Variants in LRRC43 observed in about 807,000 individuals in gnomAD.
The protein encoded by LRRC43 is leucine-rich repeat-containing protein 43.
Under a neutral mutation model 64.3 loss-of-function variants are expected in LRRC43, and 62 were observed. That is an observed-to-expected ratio of 0.96 (90% CI 0.79 to 1.19). The LOEUF is 1.19. LRRC43 is among the 50% of genes most tolerant of loss of function. LRRC43 has a pLI of 0.00. For synonymous variants in LRRC43, 422 were observed against 382.3 expected (o/e 1.10, Z -1.21); for missense variants, 868 against 845.0 (o/e 1.03, Z -0.34).
chr12:122,172,717 C>T lies in LRRC43; in HGVS notation c.-406+4935C>T, dbSNP rs148866660. 1.1e-5 allele frequency: 18 copies of T among 1,612,530 alleles called. No homozygotes were observed. In the East Asian group the frequency reaches 1.3e-4, roughly 12 times the overall value. On this transcript the variant is annotated intron_variant, in intron 1 of 5. Transcript: ENST00000537729. Reference sequence around the variant, plus strand: ...CACGGCAGCGTGTAATTCTGGGACACGAGCACGCCCTTCTCTTCCTCCACC... The same window carrying T: ...CACGGCAGCGTGTAATTCTGGGACATGAGCACGCCCTTCTCTTCCTCCACC...
At chr12:122,195,589 G>T (rs1274336783) in intron 7 of LRRC43, among the ~76,000 whole-genome samples, 1 of 152,024 alleles carries the variant, frequency 6.6e-6, no homozygotes, top group Non-Finnish European at 1.5e-5. Context: ...GGCCTCCATT[G>T]TTTCTGATGA....
chr12:122,180,292 G>A (rs1292973970), upstream of LRRC43, among the ~76,000 whole-genome samples: 1 of 152,156 alleles, frequency 6.6e-6, no homozygotes, highest in Non-Finnish European at 1.5e-5. Context: ...GCCAAGGCAG[G>A]TGGATCACTT....
rs114532492 is a variant in LRRC43 at position 122,186,955 on chromosome 12, T to C, written c.522+655T>C. 5.7e-3 allele frequency among the ~76,000 whole-genome samples: 855 copies of C among 150,740 alleles called. 4 individuals carry two copies. The highest frequency in any genetic ancestry group is 0.018 in the African/African-American group (738 of 40,952). On this transcript the variant is annotated intron_variant, in intron 3 of 11. Transcript: ENST00000339777. ...CATTCAATAGAATGCTATTCACTCA[T>C]AGAAAGGAATGAAGTAGGCCTGAAT...
At chr12:122,198,860 T>C (rs1331847713) in intron 7 of LRRC43, among the ~76,000 whole-genome samples, 6 of 152,008 alleles carry the variant, frequency 3.9e-5, no homozygotes, top group Non-Finnish European at 8.8e-5. Flanking sequence ...TTTGAACTCC[T>C]GGCCTCAAGT....
chr12:122,184,564 C>T lies in LRRC43; in HGVS notation c.196C>T (p.Leu66Phe). The T allele has an allele frequency of 6.2e-7, 1 of 1,613,812 alleles. No homozygotes were observed. The highest frequency in any genetic ancestry group is 1.1e-5 in the South Asian group (1 of 91,040). The change falls in exon 2 of 12, where the codon CTT becomes TTT. Residue 66 changes from leucine (L) to phenylalanine (F), a missense_variant. Leu to Phe is a conservative substitution (Grantham distance 22). Coordinates refer to ENST00000339777, the MANE Select transcript of LRRC43 (RefSeq NM_001098519.2). This position sits in a 1 kb window ranked among gnomAD's most constrained non-coding sequence, Gnocchi z 4.0. Reference sequence around the variant, plus strand: ...TCAAACTTGGCGAACTTGGAGGGAGCTTGTCCCCAGAGAGGAGGATGTGGT... The same window carrying T: ...TCAAACTTGGCGAACTTGGAGGGAGTTTGTCCCCAGAGAGGAGGATGTGGT... ...LPQTWRTWRE[L>F]VPREEDVVSP...
chr12:122,174,198 AG>A (rs752039373), intron 1 of LRRC43: 3 of 1,614,054 alleles, frequency 1.9e-6, no homozygotes, highest in Non-Finnish European at 2.5e-6. Flanking sequence ...GGCCAGCTTC[AG>A]TGGGGGCTTC....
intron 4 of LRRC43, 154 bp downstream of exon 4, chr12:122,187,994 C>G (rs1953666718): frequency 2.7e-6 from 2 of 730,082 alleles, no homozygotes; most frequent in Non-Finnish European, 4.3e-6. Context: ...CTCTGAATCC[C>G]CCTTCAGTGG....
At chr12:122,186,836 T>C (rs1593146191) in intron 3 of LRRC43, among the ~76,000 whole-genome samples, 2 of 152,192 alleles carry the variant, frequency 1.3e-5, no homozygotes, top group South Asian at 2.1e-4. Flanking sequence ...GGAGAATTGC[T>C]TGAACCCAGG....
At chr12:122,191,115 C>G (rs1274031795) in intron 5 of LRRC43, among the ~76,000 whole-genome samples, 1 of 152,162 alleles carries the variant, frequency 6.6e-6, no homozygotes, top group African/African-American at 2.4e-5. Flanking sequence ...CTGTGACGTG[C>G]TAGATAATGC....
At chr12:122,197,039 G>A (rs1219502062) in intron 7 of LRRC43, among the ~76,000 whole-genome samples, 4 of 152,168 alleles carry the variant, frequency 2.6e-5, no homozygotes, top group Non-Finnish European at 4.4e-5. Flanking sequence ...CACTGGGGCA[G>A]TCACGACAGG....
intron 1 of LRRC43, chr12:122,172,606 T>G: frequency 5.6e-6 from 9 of 1,614,152 alleles, no homozygotes; most frequent in Non-Finnish European, 7.6e-6. Flanking sequence ...ATAACAGATT[T>G]GTTGTCTAGC....
chr12:122,183,170 C>A lies in LRRC43; in HGVS notation c.26C>A (p.Ser9Tyr). The change falls in exon 1 of 12, where the codon TCC becomes TAC. Residue 9 changes from serine (S) to tyrosine (Y), a missense_variant. Transcript: ENST00000339777. ...ATGGAGGCGTCGTACGAGTCCGAGT[C>A]CGAGTCCGAGTCTGAGGCCGGGCCT... MEASYESE[S>Y]ESESEAGPGT... The A allele has an allele frequency of 1.3e-6, 2 of 1,553,474 alleles. No homozygotes were observed. The highest frequency in any genetic ancestry group is 1.7e-6 in the Non-Finnish European group (2 of 1,156,696).
At chr12:122,187,114 G>C (rs544893864) in intron 3 of LRRC43, among the ~76,000 whole-genome samples, 1 of 147,902 alleles carries the variant, frequency 6.8e-6, no homozygotes, top group African/African-American at 2.5e-5. Context: ...GCCTGTAATA[G>C]CAGCTACTCA....
At chr12:122,176,692 T>A (rs1484146658) in intron 1 of LRRC43, among the ~76,000 whole-genome samples, 1 of 151,830 alleles carries the variant, frequency 6.6e-6, no homozygotes, top group Non-Finnish European at 1.5e-5. Flanking sequence ...TCTCACTTTG[T>A]CGCACAGGCA....
chr12:122,175,500 T>A (rs2136020267), intron 1 of LRRC43, among the ~76,000 whole-genome samples: 1 of 147,194 alleles, frequency 6.8e-6, no homozygotes, highest in East Asian at 2.0e-4. Context: ...AGCTTTCTTT[T>A]TCTTTCTTTT....
chr12:122,179,400 C>T (rs963326972), upstream of LRRC43, among the ~76,000 whole-genome samples: 32 of 152,296 alleles, frequency 2.1e-4, no homozygotes, highest in South Asian at 8.3e-4. Flanking sequence ...GCCACGTGCC[C>T]GGCCTGATTC....
At chr12:122,202,184 G>A (rs887923704) in intron 11 of LRRC43, 9 of 151,782 alleles carry the variant, frequency 5.9e-5, no homozygotes, top group Admixed American at 2.0e-4. Flanking sequence ...CTTATCTGTG[G>A]GTTAAGATGG....
chr12:122,171,426 G>A (rs960685069), intron 1 of LRRC43, among the ~76,000 whole-genome samples: 2 of 152,202 alleles, frequency 1.3e-5, no homozygotes, highest in African/African-American at 4.8e-5. Context: ...GAGTGGTGCT[G>A]TCCTAGCTCA....
At chr12:122,187,436 T>G (rs1428256161) in intron 3 of LRRC43, 2 of 402,238 alleles carry the variant, frequency 5.0e-6, no homozygotes, top group African/African-American at 4.0e-5. Context: ...CCAGATGTTA[T>G]GCAGCTCCCC....
Sources: allele counts gnomAD v4.1 joint callset (sites outside exome capture counted in the v4.1 genomes callset), GRCh38; gene constraint gnomAD v4.1.1; non-coding constraint Gnocchi (gnomAD v3.1); transcripts MANE v1.5; gene names NCBI Gene and HGNC (gene_info 2026-07-23, HGNC 2026-07-21).